The following PROM2 variants were observed in gnomAD, a reference collection of about 807,000 sequenced individuals.
The protein encoded by PROM2 is prominin 2.
Under a neutral mutation model 110.2 loss-of-function variants are expected in PROM2, and 90 were observed. That is an observed-to-expected ratio of 0.82 (90% confidence interval 0.69 to 0.97). The LOEUF (loss-of-function observed/expected upper bound fraction) is 0.97. PROM2 is among the 50% of genes least tolerant of loss of function. The pLI, the probability that PROM2 is intolerant of heterozygous loss-of-function variation, is 0.00. For synonymous variants in PROM2, 470 were observed against 467.8 expected (o/e 1.00, Z -0.06); for missense variants, 1,009 against 1,074.8 (o/e 0.94, Z 0.86).
Position 95,288,999 on chromosome 2 carries a change from C to T in PROM2, c.*3C>T. 2 of 1,613,236 alleles carry T rather than the reference C, an allele frequency of 1.2e-6. No individual in the cohort carries two copies. The highest frequency in any genetic ancestry group is 1.7e-6 in the Non-Finnish European group (2 of 1,179,192). On this transcript the variant is annotated 3_prime_UTR_variant, in exon 23 of 24. Transcript: ENST00000317620. ...GGGTTACCTCCCTGAAGCTGTAGGG[C>T]CTTGTGGGTGAGTTTTCCCCAACTC...
chr2:95,284,966 C>T lies in PROM2; in HGVS notation c.1729-3C>T. Reference sequence around the variant, plus strand: ...GACTCCCACCCTGCGCCTGCTCTCCCAGTATACCAACAAGCTACGGCAGGA... The same window carrying T: ...GACTCCCACCCTGCGCCTGCTCTCCTAGTATACCAACAAGCTACGGCAGGA... On this transcript the variant is annotated splice_polypyrimidine_tract_variant and splice_region_variant and intron_variant, in intron 14 of 23. Transcript: ENST00000317620. 1.2e-6 allele frequency: 2 copies of T among 1,609,516 alleles called. No individual in the cohort carries two copies. Among genetic ancestry groups the T allele is most frequent in the Non-Finnish European group, 1.7e-6 (2 of 1,177,726 alleles).
intron 14 of PROM2, among the ~76,000 whole-genome samples, chr2:95,283,766 TAC>T (rs1491442806): frequency 4.2e-5 from 6 of 143,322 alleles, no homozygotes; most frequent in African/African-American, 7.9e-5. Flanking sequence ...TTCCTGAAAA[TAC>T]AGTTTCATTC....
intron 6 of PROM2, 79 bp from the exon 7 acceptor site, chr2:95,277,285 G>A: frequency 1.4e-6 from 2 of 1,444,070 alleles, no homozygotes; most frequent in East Asian, 4.6e-5. Flanking sequence ...TTTGGCTGGG[G>A]GAGGGGAGTT....
Position 95,277,422 on chromosome 2 carries a change from G to A in PROM2, c.831G>A (p.Gln277=), listed in dbSNP as rs73625087. 13,384 of 1,613,364 alleles carry A rather than the reference G, an allele frequency of 8.3e-3. 92 individuals are homozygous for A. The highest frequency in any genetic ancestry group is 0.029 in the Middle Eastern group (173 of 6,050). ...QTLNATVVEL[Q]AGQQDLEPAI... is the part of the protein sequence containing the mutation. ...TGAATGCTACAGTGGTAGAGCTGCA[G>A]GCCGGGCAGCAGGACCTGGAGCCAG... Residue 277 remains glutamine, a synonymous_variant, in exon 7 of 24, where the codon CAG becomes CAA. Coordinates refer to ENST00000317620, the MANE Select transcript of PROM2 (RefSeq NM_001165978.3).
intron 12 of PROM2, 43 bp downstream of exon 12, chr2:95,281,408 G>C (rs1305123264): frequency 1.8e-5 from 29 of 1,591,104 alleles, no homozygotes; most frequent in Non-Finnish European, 2.4e-5. Context: ...GGAGAGAGGT[G>C]GGGGGCGGTA....
chr2:95,278,529 G>A (rs1444506025), intron 8 of PROM2, 192 bp from the exon 9 acceptor site: 12 of 662,652 alleles, frequency 1.8e-5, no homozygotes, highest in South Asian at 1.1e-4. Context: ...GAAGAGGTCC[G>A]GGAGGAGCAA....
At position 95,275,571 on chromosome 2, in the gene PROM2, G is replaced by A. The variant is rs1168906908; in HGVS notation, c.294+61G>A. On this transcript the variant is annotated intron_variant, in intron 2 of 23. Coordinates refer to ENST00000317620, the MANE Select transcript of PROM2 (RefSeq NM_001165978.3). This position sits in a 1 kb window ranked among gnomAD's most constrained non-coding sequence, Gnocchi z 4.4. The stretch of plus-strand genomic sequence containing the variant: ...TTCTGGGGTGAGCAGCAGGGTGGGA[G>A]CAGAAAAGCCTTGGCTCCCCTTAGC... 6.3e-7 allele frequency: 1 copy of A among 1,589,072 alleles called. No homozygotes were observed. Among genetic ancestry groups the A allele is most frequent in the Non-Finnish European group, 8.6e-7 (1 of 1,163,990 alleles).
chr2:95,288,647 C>A (rs576302375), intron 22 of PROM2, 58 bp downstream of exon 22: 6 of 1,454,062 alleles, frequency 4.1e-6, no homozygotes, highest in South Asian at 1.2e-5. Flanking sequence ...TCCTTTCAGC[C>A]GCCAGGGTCC....
rs138396916 is a variant in PROM2 at position 95,276,091 on chromosome 2, G to A, written c.456G>A (p.Ala152=). 1.1e-3 allele frequency: 1,762 copies of A among 1,611,350 alleles called. 15 individuals carry two copies. The African/African-American group carries it at 0.019, about 18-fold the overall frequency. Residue 152 remains alanine, a synonymous_variant, in exon 3 of 24, where the codon GCG becomes GCA. Transcript: ENST00000317620. The surrounding 1 kb of genome is among the most constrained non-coding windows in gnomAD (Gnocchi z 4.6). ...TEHKALACER[A]ALMVFLLLTT... is the part of the protein sequence containing the mutation. ...ACAAGGCGCTGGCCTGTGAGCGCGC[G>A]GCCCTCATGGTCTTCCTGCTGCTGA...
chr2:95,279,479 T>G (rs1235277966), intron 10 of PROM2, among the ~76,000 whole-genome samples: 2 of 152,080 alleles, frequency 1.3e-5, no homozygotes, highest in African/African-American at 4.8e-5. Context: ...GCATTTTTAG[T>G]AGAGACAGGG....
At position 95,279,800 on chromosome 2, in the gene PROM2, C is replaced by T. The variant is rs770522517; in HGVS notation, c.1275-45C>T. On this transcript the variant is annotated intron_variant, in intron 10 of 23. Coordinates refer to ENST00000317620, the MANE Select transcript of PROM2 (RefSeq NM_001165978.3). Reference sequence around the variant, plus strand: ...GTCCCGCACCTGTCCATGTTGGTGCCAGCCACCTCCTTTCTTAGTGACACC... The same window carrying T: ...GTCCCGCACCTGTCCATGTTGGTGCTAGCCACCTCCTTTCTTAGTGACACC... 5.8e-6 allele frequency: 8 copies of T among 1,373,754 alleles called. No homozygotes were observed. In the African/African-American group the frequency reaches 1.2e-4, roughly 20 times the overall value. 85.1% of individuals were successfully genotyped at this position (1,373,754 alleles called of 1,614,324 possible).
At chr2:95,279,251 T>G in intron 10 of PROM2, 107 bp downstream of exon 10, 3 of 863,450 alleles carry the variant, frequency 3.5e-6, no homozygotes, top group Non-Finnish European at 5.1e-6. Context: ...AGCCCCTGAC[T>G]GTACTGAGCC....
Position 95,276,467 on chromosome 2 carries a change from G to T in PROM2, c.618+120G>T, listed in dbSNP as rs1201576640. ...GCATCTGAAAGCCGCCTCCTCTCCC[G>T]CCCTTGCCTGAGAGTCGACCACCCT... On this transcript the variant is annotated intron_variant, in intron 4 of 23. Coordinates refer to ENST00000317620, the MANE Select transcript of PROM2 (RefSeq NM_001165978.3). This position sits in a 1 kb window ranked among gnomAD's most constrained non-coding sequence, Gnocchi z 4.6. 9 of 1,593,806 alleles carry T rather than the reference G, an allele frequency of 5.6e-6. No individual in the cohort carries two copies. In the South Asian group the frequency reaches 6.7e-5, roughly 12 times the overall value.
chr2:95,275,035 C>G lies in PROM2; in HGVS notation c.244+206C>G, dbSNP rs1676567002. On this transcript the variant is annotated intron_variant, in intron 1 of 23. Coordinates refer to ENST00000317620, the MANE Select transcript of PROM2 (RefSeq NM_001165978.3). This position sits in a 1 kb window ranked among gnomAD's most constrained non-coding sequence, Gnocchi z 4.4. Reference sequence around the variant, plus strand: ...ACTTCCTCTCTGAGCCTCAGGTGCTCTGTCTGTAAAGTGAGGAGGTTACAT... The same window carrying G: ...ACTTCCTCTCTGAGCCTCAGGTGCTGTGTCTGTAAAGTGAGGAGGTTACAT... 5 of 576,680 alleles carry G rather than the reference C, an allele frequency of 8.7e-6. No individual in the cohort carries two copies. The highest frequency in any genetic ancestry group is 1.4e-5 in the Non-Finnish European group (5 of 346,952). The allele number at this position is 576,680 out of a possible 1,614,324, so 35.7% of individuals were successfully genotyped here.
chr2:95,277,298 G>C (rs537244318), intron 6 of PROM2, 66 bp from the exon 7 acceptor site: 2 of 1,505,686 alleles, frequency 1.3e-6, no homozygotes, highest in African/African-American at 2.8e-5. Context: ...GGGGAGTTCT[G>C]CCTCCTGCAA....
rs758568344 is a variant in PROM2, at chr2:95,278,822, G to T, written c.1114+38G>T. Reference sequence around the variant, plus strand: ...GGGTCAGAGGCAGCTGCCAGGCATGGCTTCCCACCCCACCCCTACCAGGGA... The same window carrying T: ...GGGTCAGAGGCAGCTGCCAGGCATGTCTTCCCACCCCACCCCTACCAGGGA... On this transcript the variant is annotated intron_variant, in intron 9 of 23. Transcript: ENST00000317620. The T allele has an allele frequency of 2.5e-6, 4 of 1,613,374 alleles. No homozygotes were observed. The East Asian group carries it at 6.7e-5, about 27-fold the overall frequency.
At position 95,274,504 on chromosome 2, in the gene PROM2, A is replaced by T; in HGVS notation, c.-82A>T. 1 of 1,472,884 alleles carries T rather than the reference A, an allele frequency of 6.8e-7. No homozygotes were observed. Among genetic ancestry groups the T allele is most frequent in the Non-Finnish European group, 9.0e-7 (1 of 1,107,736 alleles). The allele number at this position is 1,472,884 out of a possible 1,614,324, so 91.2% of individuals were successfully genotyped here. ...GGTTTTGAGAGCTGTGGAGAGAGGG[A>T]CAGAGGCTGGAGAAGGATGTATGGC... On this transcript the variant is annotated 5_prime_UTR_variant, in exon 1 of 24. Transcript: ENST00000317620.
Position 95,282,328 on chromosome 2 carries a change from T to A in PROM2, c.1728+102T>A, listed in dbSNP as rs1677101475. Reference sequence around the variant, plus strand: ...ACCGTCTCTTTGAACCTAGGAGACCTGAGAAGTCTGTGTGAGCGATTAAGG... The same window carrying A: ...ACCGTCTCTTTGAACCTAGGAGACCAGAGAAGTCTGTGTGAGCGATTAAGG... On this transcript the variant is annotated intron_variant, in intron 14 of 23. Coordinates refer to ENST00000317620, the MANE Select transcript of PROM2 (RefSeq NM_001165978.3). 4 of 979,824 alleles carry A rather than the reference T, an allele frequency of 4.1e-6. No homozygotes were observed. The East Asian group carries it at 1.0e-4, about 26-fold the overall frequency. 60.7% of individuals were successfully genotyped at this position (979,824 alleles called of 1,614,324 possible). A position where few individuals can be genotyped will look rare whatever the true frequency, so the allele number is the denominator to read the frequency against.
In PROM2 at chr2:95,275,762, A is replaced by G; in HGVS notation, c.295-168A>G. On this transcript the variant is annotated intron_variant, in intron 2 of 23. Coordinates refer to ENST00000317620, the MANE Select transcript of PROM2 (RefSeq NM_001165978.3). The surrounding 1 kb of genome is among the most constrained non-coding windows in gnomAD (Gnocchi z 4.4). ...GAACTTCAGCTTCCTCCTGTGTAAG[A>G]TGGTGATGAGCAGTAAGAATGCGGT... The G allele has an allele frequency of 1.4e-6, 2 of 1,463,262 alleles. No individual in the cohort carries two copies. Among genetic ancestry groups the G allele is most frequent in the Non-Finnish European group, 1.8e-6 (2 of 1,110,422 alleles). 90.6% of individuals were successfully genotyped at this position (1,463,262 alleles called of 1,614,324 possible). A position where few individuals can be genotyped will look rare whatever the true frequency, so the allele number is the denominator to read the frequency against.
Sources: allele counts gnomAD v4.1 joint callset (sites outside exome capture counted in the v4.1 genomes callset), GRCh38; gene constraint gnomAD v4.1.1; non-coding constraint Gnocchi (gnomAD v3.1); transcripts MANE v1.5; gene names NCBI Gene and HGNC (gene_info 2026-07-23, HGNC 2026-07-21).